The following ASIC2 variants were observed in gnomAD, a reference collection of about 807,000 sequenced individuals.
ASIC2 encodes acid sensing ion channel subunit 2, also known as acid-sensing ion channel 2.
Under a neutral mutation model 57.3 loss-of-function variants are expected in ASIC2, and 25 were observed. The observed-to-expected ratio is 0.44, with a 90% CI of 0.32 to 0.61. ASIC2 has a LOEUF of 0.61. Ranked by LOEUF, ASIC2 falls within the 20% of genes least tolerant of loss-of-function variation. The pLI is 0.06. For missense variants in ASIC2, 641 were observed against 738.1 expected, an observed-to-expected ratio of 0.87 and a Z score of 1.52; for synonymous variants, 319 against 307.5, an observed-to-expected ratio of 1.04 and a Z score of -0.39.
chr17:33,987,286 T>C (rs1425044697), intron 1 of ASIC2, among the ~76,000 whole-genome samples: 1 of 152,144 alleles, frequency 6.6e-6, no homozygotes, highest in African/African-American at 2.4e-5. Flanking sequence ...AGCTCCTTCT[T>C]CCCTCTTAGG....
At chr17:33,997,221 A>T (rs931500467) in intron 1 of ASIC2, among the ~76,000 whole-genome samples, 1 of 151,574 alleles carries the variant, frequency 6.6e-6, no homozygotes, top group Admixed American at 6.6e-5. Context: ...GGTTCACTGC[A>T]GTCTTGACCT....
chr17:34,052,732 T>C (rs1908616851), intron 1 of ASIC2, among the ~76,000 whole-genome samples: 1 of 152,076 alleles, frequency 6.6e-6, no homozygotes, highest in African/African-American at 2.4e-5. Flanking sequence ...TTCTGCTGCC[T>C]TAGTCTCCCA....
At chr17:33,460,971 G>T (rs1243819593) in intron 1 of ASIC2, among the ~76,000 whole-genome samples, 1 of 152,178 alleles carries the variant, frequency 6.6e-6, no homozygotes, top group African/African-American at 2.4e-5. Flanking sequence ...ATTGCCCAGA[G>T]CTTTTCAGCT....
chr17:33,256,776 G>A lies in ASIC2; in HGVS notation c.708+34632C>T, dbSNP rs1290343916. On this transcript the variant is annotated intron_variant, in intron 1 of 9. Transcript: ENST00000225823. ...GAACCTGGGAGGCAGAGGTTGCAGT[G>A]AGCCAAGATTGTGCCACTGCACTCC... is the stretch of plus-strand genomic sequence containing the variant. Among the ~76,000 whole-genome samples, 2 of 152,190 alleles carry A rather than the reference G, an allele frequency of 1.3e-5. 1 individual carries two copies. The highest frequency in any genetic ancestry group is 1.3e-4 in the Admixed American group (2 of 15,288).
At chr17:33,528,633 G>A (rs1156478074) in intron 1 of ASIC2, among the ~76,000 whole-genome samples, 9 of 152,146 alleles carry the variant, frequency 5.9e-5, no homozygotes, top group South Asian at 2.1e-4. Flanking sequence ...ATATCATCCC[G>A]CATCCAACTC....
chr17:33,448,885 T>C (rs987146654), intron 1 of ASIC2, among the ~76,000 whole-genome samples: 4 of 152,216 alleles, frequency 2.6e-5, no homozygotes, highest in African/African-American at 9.6e-5. Flanking sequence ...GGATCCTCTG[T>C]AGGGAAAACT....
chr17:33,957,580 C>T (rs1904776040), intron 1 of ASIC2, among the ~76,000 whole-genome samples: 1 of 152,128 alleles, frequency 6.6e-6, no homozygotes, highest in African/African-American at 2.4e-5. Flanking sequence ...ACCATCAGAT[C>T]TAATGAGACT....
At position 33,776,132 on chromosome 17, in the gene ASIC2, CAAAAA is replaced by C. The variant is rs35541526; in HGVS notation, c.555+379841_555+379845del. On this transcript the variant is annotated intron_variant, in intron 1 of 9. Coordinates refer to the ASIC2 transcript ENST00000359872. Reference sequence around the variant, plus strand: ...TATGTGACACAGCAAGACTCTGTCTCAAAAAAAAAAAAAAAAAAAAATAGACTGAA... The same window carrying C: ...TATGTGACACAGCAAGACTCTGTCTCAAAAAAAAAAAAAAAATAGACTGAA... 3.2e-3 allele frequency among the ~76,000 whole-genome samples: 407 copies of C among 127,472 alleles called. 1 individual carries two copies. The highest frequency in any genetic ancestry group is 0.027 in the East Asian group (103 of 3,806). The allele number at this position is 127,472 out of a possible 152,430, so 83.6% of individuals were successfully genotyped here.
intron 1 of ASIC2, among the ~76,000 whole-genome samples, chr17:33,626,062 T>A (rs1356279213): frequency 6.6e-6 from 1 of 152,222 alleles, no homozygotes; most frequent in African/African-American, 2.4e-5. Context: ...GCCAAGTGAT[T>A]TTTTGATCAT....
intron 1 of ASIC2, among the ~76,000 whole-genome samples, chr17:33,220,212 T>C (rs1907639557): frequency 6.6e-6 from 1 of 152,194 alleles, no homozygotes; most frequent in Admixed American, 6.5e-5. Flanking sequence ...TGTGTTTACA[T>C]GCCTCCAGGG....
intron 2 of ASIC2, among the ~76,000 whole-genome samples, chr17:33,091,111 A>G (rs917482989): frequency 6.6e-6 from 1 of 152,222 alleles, no homozygotes; most frequent in Non-Finnish European, 1.5e-5. Context: ...TATTCAGTCC[A>G]GGGCTCCATC....
At chr17:33,062,213 G>T in intron 3 of ASIC2, among the ~76,000 whole-genome samples, 1 of 152,122 alleles carries the variant, frequency 6.6e-6, no homozygotes, top group African/African-American at 2.4e-5. Flanking sequence ...GCTTTTGAAT[G>T]TGTTTGCTCT....
chr17:33,875,388 C>T (rs1389514518), intron 1 of ASIC2, among the ~76,000 whole-genome samples: 5 of 152,234 alleles, frequency 3.3e-5, no homozygotes, highest in African/African-American at 1.2e-4. Flanking sequence ...CTTTTTATAA[C>T]AACACATTAT....
intron 1 of ASIC2, among the ~76,000 whole-genome samples, chr17:34,033,639 AG>A (rs1907727114): frequency 6.6e-6 from 1 of 152,210 alleles, no homozygotes; most frequent in Non-Finnish European, 1.5e-5. Flanking sequence ...AGAAGAAAAG[AG>A]AGAAGAATCA....
At chr17:34,136,401 A>G (rs980479132) in intron 1 of ASIC2, among the ~76,000 whole-genome samples, 3 of 152,208 alleles carry the variant, frequency 2.0e-5, no homozygotes, top group African/African-American at 7.2e-5. Context: ...AGAGACATTT[A>G]CTATCCATTA....
At chr17:33,699,288 C>G (rs958433004) in intron 1 of ASIC2, among the ~76,000 whole-genome samples, 2 of 152,138 alleles carry the variant, frequency 1.3e-5, no homozygotes, top group Non-Finnish European at 2.9e-5. Flanking sequence ...CCATCCTTAG[C>G]GTGGAGCTTC....
At chr17:33,227,555 T>C (rs182997558) in intron 1 of ASIC2, among the ~76,000 whole-genome samples, 8 of 152,278 alleles carry the variant, frequency 5.3e-5, no homozygotes, top group Admixed American at 4.6e-4. Context: ...CAAGGACACC[T>C]GGATGCTGTT....
At chr17:33,379,287 G>A (rs1354408390) in intron 1 of ASIC2, among the ~76,000 whole-genome samples, 1 of 152,172 alleles carries the variant, frequency 6.6e-6, no homozygotes, top group Non-Finnish European at 1.5e-5. Flanking sequence ...ATCTGTAAAA[G>A]GGGGCTGATA....
intron 1 of ASIC2, among the ~76,000 whole-genome samples, chr17:33,879,129 A>G (rs1032945658): frequency 6.6e-6 from 1 of 152,196 alleles, no homozygotes; most frequent in Non-Finnish European, 1.5e-5. Flanking sequence ...GAAAGGAACA[A>G]CCGGTACCAG....
Sources: allele counts gnomAD v4.1 joint callset (sites outside exome capture counted in the v4.1 genomes callset), GRCh38; gene constraint gnomAD v4.1.1; transcripts MANE v1.5; gene names NCBI Gene and HGNC (gene_info 2026-07-23, HGNC 2026-07-21).